Variants in NELL1 observed in about 807,000 individuals in gnomAD.
NELL1 encodes the protein protein kinase C-binding protein NELL1.
In NELL1, 76 loss-of-function variants were observed where a neutral mutation model predicts 107.4. That is an observed-to-expected ratio of 0.71 (90% confidence interval 0.59 to 0.86). The LOEUF is 0.86. Ranked by LOEUF, NELL1 falls within the 40% of genes least tolerant of loss-of-function variation. The pLI, the probability that NELL1 is intolerant of heterozygous loss-of-function variation, is 0.00. For synonymous variants in NELL1, 353 were observed against 341.2 expected, an observed-to-expected ratio of 1.03 and a Z score of -0.38; for missense variants, 1,024 against 1,005.5, an observed-to-expected ratio of 1.02 and a Z score of -0.25.
intron 14 of NELL1, chr11:21,260,113 A>G (rs1412965802): frequency 6.6e-6 from 1 of 151,966 alleles, no homozygotes; most frequent in Non-Finnish European, 1.5e-5. Context: ...GCATGTTAAA[A>G]TAGTCTTATC....
chr11:20,672,382 C>T (rs888209880), intron 1 of NELL1, among the ~76,000 whole-genome samples: 4 of 152,164 alleles, frequency 2.6e-5, no homozygotes, highest in African/African-American at 4.8e-5. Flanking sequence ...CAGATATCAC[C>T]GGCTTTTAAT....
At chr11:20,787,435 G>A (rs1011158571) in intron 3 of NELL1, among the ~76,000 whole-genome samples, 1 of 152,112 alleles carries the variant, frequency 6.6e-6, no homozygotes, top group African/African-American at 2.4e-5. Flanking sequence ...ATAATTTTCA[G>A]GTTACTTTTA....
chr11:20,732,810 C>T (rs753473771), intron 2 of NELL1, among the ~76,000 whole-genome samples: 22 of 152,106 alleles, frequency 1.4e-4, no homozygotes, highest in African/African-American at 3.4e-4. Flanking sequence ...TTATTGTCGG[C>T]GGGGAGGCAT....
At chr11:20,917,123 C>A (rs1041980787) in intron 5 of NELL1, among the ~76,000 whole-genome samples, 1 of 151,884 alleles carries the variant, frequency 6.6e-6, no homozygotes, top group Non-Finnish European at 1.5e-5. Context: ...TTAATTGCTC[C>A]CTGGTATTCC....
At chr11:21,356,544 G>A (rs192102535) in intron 14 of NELL1, among the ~76,000 whole-genome samples, 1 of 152,160 alleles carries the variant, frequency 6.6e-6, no homozygotes. Flanking sequence ...GGGGGGCATT[G>A]TCCTCCGCGC....
At chr11:20,934,309 A>C (rs1850678447) in intron 9 of NELL1, among the ~76,000 whole-genome samples, 2 of 152,224 alleles carry the variant, frequency 1.3e-5, no homozygotes, top group African/African-American at 4.8e-5. Flanking sequence ...ATTCTGCACT[A>C]GTGCCAAATT....
At chr11:21,431,255 C>T (rs754330599) in intron 15 of NELL1, among the ~76,000 whole-genome samples, 67 of 152,152 alleles carry the variant, frequency 4.4e-4, no homozygotes, top group Non-Finnish European at 8.8e-4. Flanking sequence ...CCCTCTACCT[C>T]ATCCCAGACA....
chr11:21,367,041 T>G (rs1462509612), intron 14 of NELL1, among the ~76,000 whole-genome samples: 1 of 145,424 alleles, frequency 6.9e-6, no homozygotes, highest in African/African-American at 2.6e-5. Flanking sequence ...TTATTTTACA[T>G]GCTGAGAATA....
chr11:21,451,213 A>G lies in NELL1; in HGVS notation c.1645+80265A>G, dbSNP rs571806477. Reference sequence around the variant, plus strand: ...AAAAAAAAAAAAAAAGAAAAAAAAAAGAAAAAAGAAAAAGAAAAAAGAAAT... The same window carrying G: ...AAAAAAAAAAAAAAAGAAAAAAAAAGGAAAAAAGAAAAAGAAAAAAGAAAT... On this transcript the variant is annotated intron_variant, in intron 15 of 19. Coordinates refer to ENST00000357134, the MANE Select transcript of NELL1 (RefSeq NM_006157.5). Among the ~76,000 whole-genome samples the G allele has an allele frequency of 9.4e-3, 1,425 of 151,394 alleles. 23 individuals are homozygous for G. Among genetic ancestry groups the G allele is most frequent in the African/African-American group, 0.033 (1,349 of 41,292 alleles).
intron 12 of NELL1, among the ~76,000 whole-genome samples, chr11:20,966,702 G>A (rs1343955378): frequency 2.6e-5 from 4 of 151,978 alleles, no homozygotes; most frequent in Non-Finnish European, 5.9e-5. Flanking sequence ...AGCAGGAGAT[G>A]CAGCTGAGCC....
intron 12 of NELL1, among the ~76,000 whole-genome samples, chr11:21,065,420 A>T (rs1024886726): frequency 2.6e-5 from 4 of 152,196 alleles, no homozygotes; most frequent in Admixed American, 2.6e-4. Flanking sequence ...TCGATTTGCT[A>T]TAATACGGTC....
chr11:20,693,981 G>T (rs1030234221), intron 2 of NELL1, among the ~76,000 whole-genome samples: 13 of 144,700 alleles, frequency 9.0e-5, no homozygotes, highest in Admixed American at 3.5e-4. Flanking sequence ...GGCTTTGTTC[G>T]TTTCTTTTTA....
intron 14 of NELL1, among the ~76,000 whole-genome samples, chr11:21,369,915 T>A (rs1851319714): frequency 3.9e-5 from 6 of 152,110 alleles, no homozygotes; most frequent in Non-Finnish European, 8.8e-5. Flanking sequence ...TTAATTCATC[T>A]AACAAATCAG....
At position 21,187,479 on chromosome 11, in the gene NELL1, T is replaced by C. The variant is rs114571336; in HGVS notation, c.1427-41853T>C. Among the ~76,000 whole-genome samples the C allele has an allele frequency of 4.8e-3, 726 of 151,992 alleles. 28 individuals carry two copies. The highest frequency in any genetic ancestry group is 0.017 in the African/African-American group (701 of 41,266). ...ACACTTAAAATGATAAATTCATCCT[T>C]AATGACATGGCCATTCTCAAAGACC... is the stretch of plus-strand genomic sequence containing the variant. On this transcript the variant is annotated intron_variant, in intron 13 of 19. Transcript: ENST00000357134.
At chr11:20,682,934 A>T (rs1207125087) in intron 2 of NELL1, among the ~76,000 whole-genome samples, 1 of 152,232 alleles carries the variant, frequency 6.6e-6, no homozygotes, top group East Asian at 1.9e-4. Context: ...TCTTACAGGC[A>T]ATATATAGTT....
intron 2 of NELL1, among the ~76,000 whole-genome samples, chr11:20,745,098 A>G (rs1855974402): frequency 1.3e-5 from 2 of 151,974 alleles, no homozygotes; most frequent in South Asian, 2.1e-4. Context: ...TGTTTTGTTC[A>G]TGTGTTTATT....
intron 14 of NELL1, among the ~76,000 whole-genome samples, chr11:21,275,956 CA>C (rs1300433427): frequency 6.6e-5 from 10 of 152,142 alleles, no homozygotes; most frequent in African/African-American, 2.2e-4. Flanking sequence ...ACTGAATAGG[CA>C]AAAACTGGAA....
intron 2 of NELL1, among the ~76,000 whole-genome samples, chr11:20,749,228 A>G (rs1856078747): frequency 6.6e-6 from 1 of 152,188 alleles, no homozygotes; most frequent in Admixed American, 6.5e-5. Context: ...AGCTGGGACT[A>G]TGGCGGGCGA....
At chr11:21,337,161 GA>G (rs927900258) in intron 14 of NELL1, among the ~76,000 whole-genome samples, 9 of 152,032 alleles carry the variant, frequency 5.9e-5, no homozygotes, top group Non-Finnish European at 1.2e-4. Context: ...AGTATTTCCT[GA>G]AAATGGAACC....
Sources: allele counts gnomAD v4.1 joint callset (sites outside exome capture counted in the v4.1 genomes callset), GRCh38; gene constraint gnomAD v4.1.1; transcripts MANE v1.5; gene names NCBI Gene and HGNC (gene_info 2026-07-23, HGNC 2026-07-21).